The following P4HA3 variants were observed in gnomAD, a reference collection of about 807,000 sequenced individuals.
P4HA3 encodes the protein prolyl 4-hydroxylase subunit alpha-3.
A neutral mutation model predicts 66.7 loss-of-function variants in P4HA3; 60 were observed. That is an observed-to-expected ratio of 0.90 (90% CI 0.73 to 1.12). P4HA3 has a LOEUF of 1.12. Among genes scored for constraint, P4HA3 ranks in the 50% most tolerant of loss-of-function variants. The pLI is 0.00. For missense variants in P4HA3, 683 were observed against 685.8 expected (o/e 1.00, Z 0.05); for synonymous variants, 263 against 274.6 (o/e 0.96, Z 0.42).
Position 74,266,896 on chromosome 11 carries a change from G to T in P4HA3, c.*352C>A. ...CTCATTGCCACTTCTTGGTCCCTGT[G>T]GTCAAGGTTCAAAGTGCCAAAAGAC... On this transcript the variant is annotated 3_prime_UTR_variant, in exon 13 of 13. Transcript: ENST00000331597. The T allele has an allele frequency of 1.0e-6, 1 of 981,344 alleles. No homozygotes were observed. Among genetic ancestry groups the T allele is most frequent in the Non-Finnish European group, 1.5e-6 (1 of 687,118 alleles). The allele number at this position is 981,344 out of a possible 1,614,324, so 60.8% of individuals were successfully genotyped here. A position where few individuals can be genotyped will look rare whatever the true frequency, so the allele number is the denominator to read the frequency against.
chr11:74,276,064 A>C (rs1021393330), intron 9 of P4HA3, among the ~76,000 whole-genome samples: 10 of 152,222 alleles, frequency 6.6e-5, no homozygotes, highest in Non-Finnish European at 1.2e-4. Context: ...AAGATAAGAT[A>C]TTGCATGTCC....
chr11:74,280,891 C>T (rs1366909698), intron 7 of P4HA3, among the ~76,000 whole-genome samples: 1 of 152,140 alleles, frequency 6.6e-6, no homozygotes, highest in Non-Finnish European at 1.5e-5. Flanking sequence ...GCCTGTTTCC[C>T]CATCTAAATT....
rs1294770377 is a variant in P4HA3 at position 74,273,682 on chromosome 11, T to TA, written c.1336-76dup. ...GGGACAGGCAGGATTCCACTATTAA[T>TA]ACAAATAGAAGTAAAATGGGGGCAT... On this transcript the variant is annotated intron_variant, in intron 9 of 12. Transcript: ENST00000331597. 4 of 1,205,254 alleles carry TA rather than the reference T, an allele frequency of 3.3e-6. No homozygotes were observed. In the African/African-American group the frequency reaches 6.3e-5, roughly 19 times the overall value. The allele number at this position is 1,205,254 out of a possible 1,614,324, so 74.7% of individuals were successfully genotyped here. A position where few individuals can be genotyped will look rare whatever the true frequency, so the allele number is the denominator to read the frequency against.
intron 11 of P4HA3, 77 bp from the exon 12 acceptor site, chr11:74,268,318 T>C: frequency 2.6e-6 from 3 of 1,175,236 alleles, no homozygotes; most frequent in Non-Finnish European, 2.5e-6. Context: ...TAAGGACAAA[T>C]GCAGGCATGT....
chr11:74,251,476 G>A (rs2135685426), intron 15 of P4HA3: 1 of 1,433,106 alleles, frequency 7.0e-7, no homozygotes, highest in Non-Finnish European at 9.1e-7. Context: ...TAGTGGGGAG[G>A]AGTCTTCTAG....
Position 74,286,379 on chromosome 11 carries a change from T to G in P4HA3, c.782A>C (p.Lys261Thr). The G allele has an allele frequency of 6.5e-7, 1 of 1,548,130 alleles. No homozygotes were observed. The highest frequency in any genetic ancestry group is 8.7e-7 in the Non-Finnish European group (1 of 1,148,536). ...REFLLYSPDN[K>T]RMARNVLKYE... ...TTTCAAGACATTCCTGGCCATCCTC[T>G]TATTATCTGGGCCTGGAAGAAATCA... Residue 261 changes from lysine to threonine, a missense_variant, in exon 6 of 13, where the codon AAG (lysine) becomes ACG (threonine). By Grantham distance (78) the Lys-to-Thr change is moderately conservative. Transcript: ENST00000331597.
chr11:74,265,727 T>G (rs1052819477), downstream of P4HA3, among the ~76,000 whole-genome samples: 3 of 152,182 alleles, frequency 2.0e-5, no homozygotes, highest in Admixed American at 6.5e-5. Context: ...TGCCTACTTA[T>G]GTTGAACCAG....
At chr11:74,282,457 G>A (rs1450166487) in intron 7 of P4HA3, among the ~76,000 whole-genome samples, 2 of 152,198 alleles carry the variant, frequency 1.3e-5, no homozygotes. Flanking sequence ...AAGACACACT[G>A]GAATCATACA....
chr11:74,276,096 A>T (rs1338751793), intron 9 of P4HA3, among the ~76,000 whole-genome samples: 1 of 152,226 alleles, frequency 6.6e-6, no homozygotes, highest in Non-Finnish European at 1.5e-5. Flanking sequence ...TGGGGGCTAA[A>T]CAATGGGTAC....
chr11:74,273,604 G>GTGA lies in P4HA3; in HGVS notation c.1336_1338dup (p.Ser446dup), dbSNP rs1406446989. Reference sequence around the variant, plus strand: ...TTCATTCTGTAGAGGGGGCTGCTTGGTGACTGAGAAAAAAAAAAACAGAAC... The same window carrying GTGA: ...TTCATTCTGTAGAGGGGGCTGCTTGGTGATGACTGAGAAAAAAAAAAACAGAAC... On this transcript the variant is annotated inframe_insertion, in exon 10 of 13. Transcript: ENST00000331597. The GTGA allele has an allele frequency of 1.2e-5, 19 of 1,555,770 alleles. No homozygotes were observed. Among genetic ancestry groups the GTGA allele is most frequent in the Non-Finnish European group, 1.5e-5 (17 of 1,157,412 alleles).
At chr11:74,279,011 G>C (rs1185627444) in intron 8 of P4HA3, among the ~76,000 whole-genome samples, 1 of 152,152 alleles carries the variant, frequency 6.6e-6, no homozygotes, top group Non-Finnish European at 1.5e-5. Flanking sequence ...CTCATTCTTG[G>C]CAAGTCATGC....
intron 15 of P4HA3, chr11:74,250,795 G>GT: frequency 1.6e-6 from 1 of 620,716 alleles, no homozygotes; most frequent in Non-Finnish European, 2.9e-6. Flanking sequence ...ACAATTACTT[G>GT]TATTACCATC....
intron 7 of P4HA3, among the ~76,000 whole-genome samples, chr11:74,281,101 C>T (rs1329699145): frequency 6.6e-6 from 1 of 152,162 alleles, no homozygotes; most frequent in Non-Finnish European, 1.5e-5. Flanking sequence ...GACATTTATG[C>T]AGCCAAAAAA....
At chr11:74,251,026 T>G in intron 15 of P4HA3, 1 of 1,587,018 alleles carries the variant, frequency 6.3e-7, no homozygotes, top group South Asian at 1.2e-5. Context: ...AAGGTGAGTC[T>G]GGTGCTCAGT....
intron 7 of P4HA3, among the ~76,000 whole-genome samples, chr11:74,282,241 C>T (rs979465052): frequency 1.3e-5 from 2 of 152,006 alleles, no homozygotes; most frequent in African/African-American, 4.8e-5. Flanking sequence ...ACCAGTCACT[C>T]GTTTTTTGGA....
intron 4 of P4HA3, among the ~76,000 whole-genome samples, chr11:74,292,449 A>G (rs1051999131): frequency 4.0e-5 from 6 of 151,734 alleles, no homozygotes; most frequent in East Asian, 1.9e-4. Context: ...ATTTCCTTCA[A>G]TTCTGCTCTG....
rs867472112 is a variant in P4HA3, at chr11:74,277,066, G to T, written c.1254C>A (p.Val418=). The stretch of plus-strand genomic sequence containing the variant: ...GCAGATACTCTGCATAGGGAGGCCG[G>T]ACATCAAGGCCTGTGAGGGCAGCAA... The part of the protein sequence containing the change: ...HRIAALTGLD[V]RPPYAEYLQV... Residue 418 remains valine (V), a synonymous_variant, in exon 9 of 13, where the codon GTC becomes GTA. Coordinates refer to ENST00000331597, the MANE Select transcript of P4HA3 (RefSeq NM_182904.5). 1.2e-6 allele frequency: 2 copies of T among 1,614,106 alleles called. No individual in the cohort carries two copies. The highest frequency in any genetic ancestry group is 1.6e-4 in the Middle Eastern group (1 of 6,062).
chr11:74,251,714 T>C (rs1335180617), intron 15 of P4HA3: 3 of 1,613,962 alleles, frequency 1.9e-6, no homozygotes, highest in Admixed American at 1.7e-5. Context: ...TGGATTCCAG[T>C]GGTAAGGCGG....
chr11:74,307,864 G>C (rs1591142281), intron 1 of P4HA3, among the ~76,000 whole-genome samples: 1 of 152,090 alleles, frequency 6.6e-6, no homozygotes, highest in African/African-American at 2.4e-5. Flanking sequence ...TTTTGTATCA[G>C]TTCTTCTGGG....
Sources: gnomAD v4.1 joint callset for allele counts (sites outside exome capture counted in the v4.1 genomes callset) on GRCh38, gnomAD v4.1.1 for gene constraint, MANE v1.5 for transcripts, NCBI Gene and HGNC (gene_info 2026-07-23, HGNC 2026-07-21) for gene names.